Variants in PRKCE observed in about 807,000 individuals in gnomAD.
The protein encoded by PRKCE is protein kinase C epsilon type.
In PRKCE, 16 loss-of-function variants were observed where a neutral mutation model predicts 85.4. That is an observed-to-expected ratio of 0.19 (90% CI 0.13 to 0.28). The LOEUF is 0.28. Among genes scored for constraint, PRKCE ranks in the 10% least tolerant of loss-of-function variants. The pLI is 1.00. For missense variants in PRKCE, 573 were observed against 975.2 expected (o/e 0.59, Z 5.49); for synonymous variants, 388 against 371.5 (o/e 1.04, Z -0.51).
intron 1 of PRKCE, among the ~76,000 whole-genome samples, chr2:45,839,217 TG>T (rs1438062081): frequency 1.3e-5 from 2 of 151,830 alleles, no homozygotes; most frequent in Admixed American, 1.3e-4. Context: ...ATTTCACGGA[TG>T]AAGAGGCTGA....
intron 2 of PRKCE, among the ~76,000 whole-genome samples, chr2:45,909,525 G>A (rs1049402041): frequency 2.6e-5 from 4 of 152,166 alleles, no homozygotes; most frequent in African/African-American, 9.7e-5. Flanking sequence ...TTCCTAAAGG[G>A]CATAGTTGAG....
At chr2:46,120,015 C>CG in intron 11 of PRKCE, among the ~76,000 whole-genome samples, 1 of 69,632 alleles carries the variant, frequency 1.4e-5, no homozygotes, top group Non-Finnish European at 2.7e-5. Flanking sequence ...TATGCTTTGT[C>CG]TGTTAAGCCC....
chr2:46,058,264 G>C (rs1377506695), intron 10 of PRKCE, among the ~76,000 whole-genome samples: 1 of 152,188 alleles, frequency 6.6e-6, no homozygotes, highest in African/African-American at 2.4e-5. Flanking sequence ...AACATCCAGG[G>C]CTTGGTGGCC....
intron 2 of PRKCE, among the ~76,000 whole-genome samples, chr2:45,843,592 C>T (rs1173614285): frequency 2.0e-5 from 3 of 152,338 alleles, no homozygotes; most frequent in African/African-American, 4.8e-5. Flanking sequence ...TGGCGTATTA[C>T]ACCCTCTTCC....
intron 10 of PRKCE, among the ~76,000 whole-genome samples, chr2:46,057,636 G>A (rs1026819293): frequency 5.9e-5 from 9 of 152,082 alleles, no homozygotes; most frequent in East Asian, 1.9e-4. Context: ...GTTTCGCCAC[G>A]TTGGCCAGGC....
At chr2:45,901,344 G>A (rs1412981908) in intron 2 of PRKCE, among the ~76,000 whole-genome samples, 2 of 152,158 alleles carry the variant, frequency 1.3e-5, no homozygotes, top group Non-Finnish European at 2.9e-5. Context: ...CAAACGCTCC[G>A]ACCTGGTCAT....
chr2:46,058,988 A>G (rs1352935368), intron 10 of PRKCE, among the ~76,000 whole-genome samples: 2 of 152,212 alleles, frequency 1.3e-5, no homozygotes, highest in Non-Finnish European at 2.9e-5. Flanking sequence ...ATGAGCTACT[A>G]TGCCCCACTA....
chr2:45,836,465 GC>G (rs1690885222), intron 1 of PRKCE, among the ~76,000 whole-genome samples: 1 of 152,230 alleles, frequency 6.6e-6, no homozygotes, highest in Admixed American at 6.5e-5. Flanking sequence ...CGCAGCTGCT[GC>G]TGAGTTGCTC....
At chr2:45,654,589 G>A (rs1675293750) in intron 1 of PRKCE, among the ~76,000 whole-genome samples, 1 of 152,236 alleles carries the variant, frequency 6.6e-6, no homozygotes, top group African/African-American at 2.4e-5. Flanking sequence ...GCAGATCCAT[G>A]TGCTGTGTCC....
chr2:45,843,779 T>C lies in PRKCE; in HGVS notation c.412+716T>C, dbSNP rs538274066. Among the ~76,000 whole-genome samples, 4 of 152,284 alleles carry C rather than the reference T, an allele frequency of 2.6e-5. No individual in the cohort carries two copies. In the East Asian group the frequency reaches 7.7e-4, roughly 29 times the overall value. On this transcript the variant is annotated intron_variant, in intron 2 of 14. Transcript: ENST00000306156. ...AACCAACTTAAGCTCTAAGAAAGAT[T>C]TGGAATTCGGACTGAAATGTAGTTA...
intron 14 of PRKCE, among the ~76,000 whole-genome samples, chr2:46,170,084 A>T (rs1221361004): frequency 2.0e-5 from 3 of 152,216 alleles, no homozygotes; most frequent in African/African-American, 7.2e-5. Context: ...AAATTTACAT[A>T]GAATAAATGC....
chr2:45,945,820 A>G (rs1225534806), intron 2 of PRKCE, among the ~76,000 whole-genome samples: 1 of 152,256 alleles, frequency 6.6e-6, no homozygotes, highest in Non-Finnish European at 1.5e-5. Flanking sequence ...CCCTTGACAG[A>G]AAAGAATGAC....
At chr2:45,702,078 A>G (rs977781249) in intron 1 of PRKCE, among the ~76,000 whole-genome samples, 3 of 152,050 alleles carry the variant, frequency 2.0e-5, no homozygotes, top group Admixed American at 2.0e-4. Context: ...AATCCTAGCT[A>G]CTCAGGGGGC....
intron 1 of PRKCE, among the ~76,000 whole-genome samples, chr2:45,764,736 G>A (rs970999235): frequency 6.6e-6 from 1 of 152,168 alleles, no homozygotes; most frequent in Non-Finnish European, 1.5e-5. Context: ...TTCCATGCCA[G>A]AAACTTGAGG....
At chr2:45,885,002 T>TATATATA (rs1553440407) in intron 2 of PRKCE, among the ~76,000 whole-genome samples, 23 of 97,644 alleles carry the variant, frequency 2.4e-4, no homozygotes, top group African/African-American at 3.1e-4. Flanking sequence ...TATATATATA[T>TATATATA]TTGTTGTTGT....
At chr2:46,173,194 C>T (rs938965232) in intron 14 of PRKCE, among the ~76,000 whole-genome samples, 4 of 152,174 alleles carry the variant, frequency 2.6e-5, no homozygotes, top group Non-Finnish European at 5.9e-5. Context: ...TATTTCATGA[C>T]ACATGAACAC....
intron 12 of PRKCE, among the ~76,000 whole-genome samples, chr2:46,149,216 C>T (rs967692043): frequency 6.6e-6 from 1 of 152,196 alleles, no homozygotes; most frequent in African/African-American, 2.4e-5. Flanking sequence ...ACCATGAAAT[C>T]TGAGAACTAA....
At chr2:45,831,296 A>G (rs776899393) in intron 1 of PRKCE, among the ~76,000 whole-genome samples, 2 of 152,264 alleles carry the variant, frequency 1.3e-5, no homozygotes, top group African/African-American at 2.4e-5. Flanking sequence ...AGATTTTAGA[A>G]CTAATGTATA....
intron 2 of PRKCE, among the ~76,000 whole-genome samples, chr2:45,951,121 C>G (rs1054684573): frequency 6.6e-6 from 1 of 152,204 alleles, no homozygotes; most frequent in African/African-American, 2.4e-5. Context: ...TTATCCGGTG[C>G]TGCTCTGGCT....
Sources: allele counts gnomAD v4.1 joint callset (sites outside exome capture counted in the v4.1 genomes callset), GRCh38; gene constraint gnomAD v4.1.1; transcripts MANE v1.5; gene names NCBI Gene and HGNC (gene_info 2026-07-23, HGNC 2026-07-21).